The following BAZ2B variants were observed in gnomAD, a reference collection of about 807,000 sequenced individuals.
BAZ2B encodes the protein bromodomain adjacent to zinc finger domain protein 2B.
A neutral mutation model predicts 246.0 loss-of-function variants in BAZ2B; 91 were observed. The observed-to-expected ratio is 0.37, with a 90% CI of 0.31 to 0.44. The LOEUF is 0.44. Ranked by LOEUF, BAZ2B falls within the 20% of genes least tolerant of loss-of-function variation. The pLI is 1.00. For synonymous variants in BAZ2B, 855 were observed against 860.0 expected (o/e 0.99, Z 0.10); for missense variants, 2,332 against 2,533.7 (o/e 0.92, Z 1.71).
chr2:159,626,772 TCAAA>T, the BAZ2B span, among the ~76,000 whole-genome samples: 1 of 151,520 alleles, frequency 6.6e-6, no homozygotes, highest in South Asian at 2.1e-4. Context: ...AGAAGCAAGA[TCAAA>T]CAAATTCAAA....
At chr2:159,658,598 A>T in the BAZ2B span, among the ~76,000 whole-genome samples, 1 of 152,094 alleles carries the variant, frequency 6.6e-6, no homozygotes, top group Admixed American at 6.6e-5. Flanking sequence ...GCTCACTGCA[A>T]CCTCTGCCTC....
At chr2:159,617,173 T>C (rs1447913309), upstream of BAZ2B, 3 of 152,196 alleles carry the variant, frequency 2.0e-5, no homozygotes, top group Admixed American at 6.5e-5. Flanking sequence ...AAAAAAAGCA[T>C]AGCAAATTGT....
chr2:159,502,588 C>T (rs749558131), intron 2 of BAZ2B, among the ~76,000 whole-genome samples: 11 of 151,998 alleles, frequency 7.2e-5, no homozygotes, highest in Non-Finnish European at 1.3e-4. Context: ...TAGCTGTGAT[C>T]GTGACACTGT....
intron 20 of BAZ2B, 138 bp from the exon 21 acceptor site, chr2:159,389,623 G>A (rs1218675780): frequency 4.1e-5 from 31 of 763,312 alleles, no homozygotes; most frequent in Non-Finnish European, 2.3e-5. Context: ...TCTTATGACT[G>A]TATATATTTA....
the BAZ2B span, chr2:159,690,313 A>G: frequency 4.0e-6 from 1 of 247,816 alleles, no homozygotes; most frequent in Admixed American, 4.7e-5. Flanking sequence ...ATTCTCGCCA[A>G]CTGCCGTGGT....
intron 23 of BAZ2B, among the ~76,000 whole-genome samples, chr2:159,384,798 C>T (rs995463484): frequency 1.3e-5 from 2 of 151,616 alleles, no homozygotes; most frequent in African/African-American, 4.8e-5. Flanking sequence ...CCTTAAAAGA[C>T]GTGAAGGAAA....
intron 34 of BAZ2B, among the ~76,000 whole-genome samples, chr2:159,327,306 C>T (rs1252332430): frequency 1.3e-5 from 2 of 152,096 alleles, no homozygotes; most frequent in Non-Finnish European, 2.9e-5. Context: ...ATGACCCCTG[C>T]CAGTACCTTA....
chr2:159,339,966 A>C (rs1349320351), intron 31 of BAZ2B, among the ~76,000 whole-genome samples: 2 of 152,150 alleles, frequency 1.3e-5, no homozygotes, highest in Non-Finnish European at 2.9e-5. Flanking sequence ...AATGGGTACA[A>C]ATATATGGTT....
rs189012900 is a variant in BAZ2B at position 159,583,099 on chromosome 2, T to A, written c.-45-27234A>T. 2.1e-5 allele frequency among the ~76,000 whole-genome samples: 3 copies of A among 141,278 alleles called. 1 individual carries two copies. The highest frequency in any genetic ancestry group is 1.4e-4 in the Admixed American group (2 of 13,946). The allele number at this position is 141,278 out of a possible 152,430, so 92.7% of individuals were successfully genotyped here. ...TACCTGTAAAAAATATGAAATATAT[T>A]CTTTTTTCTTTTCTTTTTTTTTTTT... On this transcript the variant is annotated intron_variant, in intron 1 of 36. Coordinates refer to ENST00000392783, the MANE Select transcript of BAZ2B (RefSeq NM_013450.4).
intron 1 of BAZ2B, among the ~76,000 whole-genome samples, chr2:159,572,899 A>G (rs1684372139): frequency 6.6e-6 from 1 of 152,198 alleles, no homozygotes. Context: ...ATCCTAAGCA[A>G]CATGAGAATG....
chr2:159,686,286 G>C, the BAZ2B span, among the ~76,000 whole-genome samples: 2 of 152,140 alleles, frequency 1.3e-5, no homozygotes, highest in Non-Finnish European at 2.9e-5. Flanking sequence ...GAAAATGGCA[G>C]ATTACTACCT....
chr2:159,385,563 C>G (rs1041006553), intron 22 of BAZ2B, among the ~76,000 whole-genome samples, 194 bp from the exon 23 acceptor site: 1 of 151,732 alleles, frequency 6.6e-6, no homozygotes, highest in African/African-American at 2.4e-5. Context: ...TTCTTTCTTT[C>G]CCCGCTTCAA....
In BAZ2B at chr2:159,432,923, C is replaced by T. The variant is rs1315029664; in HGVS notation, c.1734G>A (p.Gln578=). 5.6e-6 allele frequency: 9 copies of T among 1,614,070 alleles called. No homozygotes were observed. Among genetic ancestry groups the T allele is most frequent in the Middle Eastern group, 3.3e-4 (2 of 6,062 alleles). The change falls in exon 9 of 37, where the codon CAG becomes CAA. Residue 578 remains glutamine (Q), a synonymous_variant. Coordinates refer to ENST00000392783, the MANE Select transcript of BAZ2B (RefSeq NM_013450.4). ...VSNNVNPVKT[Q]HHSHPAKSLV... Reference sequence around the variant, plus strand: ...AAGATTTTGCAGGATGGGAGTGATGCTGTGTTTTTACTGGGTTTACATTAT... The same window carrying T: ...AAGATTTTGCAGGATGGGAGTGATGTTGTGTTTTTACTGGGTTTACATTAT...
At chr2:159,694,548 G>C in the BAZ2B span, 17 of 152,178 alleles carry the variant, frequency 1.1e-4, no homozygotes, top group African/African-American at 4.1e-4. Context: ...CTATGGATTT[G>C]CCTATTCTGG....
At chr2:159,511,743 T>A (rs1017468384) in intron 2 of BAZ2B, among the ~76,000 whole-genome samples, 1 of 152,178 alleles carries the variant, frequency 6.6e-6, no homozygotes, top group African/African-American at 2.4e-5. Context: ...GCTCAGGAAA[T>A]ATAATTTTAA....
At chr2:159,526,108 T>G (rs1370363436) in intron 2 of BAZ2B, among the ~76,000 whole-genome samples, 2 of 152,200 alleles carry the variant, frequency 1.3e-5, no homozygotes, top group Admixed American at 6.5e-5. Context: ...GGGATAATTT[T>G]TTTTTACTTC....
the BAZ2B span, among the ~76,000 whole-genome samples, chr2:159,667,515 G>T: frequency 6.6e-6 from 1 of 151,970 alleles, no homozygotes; most frequent in Admixed American, 6.6e-5. Flanking sequence ...AGAATCGCTT[G>T]AACCCAGGAG....
At chr2:159,706,521 C>T in the BAZ2B span, among the ~76,000 whole-genome samples, 240 of 152,308 alleles carry the variant, frequency 1.6e-3, 1 homozygote, top group Admixed American at 2.9e-3. Context: ...TTCGTGTGTG[C>T]CTCCGTGTGT....
At chr2:159,679,228 C>T in the BAZ2B span, among the ~76,000 whole-genome samples, 1,011 of 144,348 alleles carry the variant, frequency 7.0e-3, 6 homozygotes, top group Middle Eastern at 0.058. Context: ...GCCAAGATTG[C>T]TCCGCTGCAC....
Sources: gnomAD v4.1 joint callset for allele counts (sites outside exome capture counted in the v4.1 genomes callset) on GRCh38, gnomAD v4.1.1 for gene constraint, MANE v1.5 for transcripts, NCBI Gene and HGNC (gene_info 2026-07-23, HGNC 2026-07-21) for gene names.